SCARA5: variants seen among roughly 807,000 people sequenced by gnomAD.
SCARA5 encodes scavenger receptor class A member 5.
In SCARA5, 45 loss-of-function variants were observed where a neutral mutation model predicts 46.3. That is an observed-to-expected ratio of 0.97 (90% CI 0.76 to 1.24). SCARA5 has a LOEUF of 1.24. SCARA5 is among the 50% of genes most tolerant of loss of function. The pLI is 0.00. For synonymous variants in SCARA5, 333 were observed against 306.5 expected, an observed-to-expected ratio of 1.09 and a Z score of -0.90; for missense variants, 680 against 689.0, an observed-to-expected ratio of 0.99 and a Z score of 0.15.
At chr8:27,982,783 G>A (rs891941420) in intron 2 of SCARA5, among the ~76,000 whole-genome samples, 16 of 152,184 alleles carry the variant, frequency 1.1e-4, no homozygotes, top group Non-Finnish European at 1.6e-4. Flanking sequence ...TGGGCAAGAT[G>A]GCTGCTCAGG....
intron 2 of SCARA5, among the ~76,000 whole-genome samples, chr8:27,981,447 G>A (rs916544050): frequency 3.5e-4 from 53 of 152,212 alleles, no homozygotes; most frequent in African/African-American, 1.2e-3. Flanking sequence ...GACAGGAGCA[G>A]CCCTGGGTGA....
rs1808804889 is a variant in SCARA5, at chr8:27,992,533, TG to T, written c.-293del. On this transcript the variant is annotated 5_prime_UTR_variant, in exon 1 of 9. Coordinates refer to ENST00000354914, the MANE Select transcript of SCARA5 (RefSeq NM_173833.6). ...GGGTCTGGGCCTGGGGGACCCAGAATGGGGGGTGTGCGCCTGGGACTCCCTG... is the reference window on the plus strand; with the variant it reads ...GGGTCTGGGCCTGGGGGACCCAGAATGGGGGTGTGCGCCTGGGACTCCCTG... 1 of 152,754 alleles carries T rather than the reference TG, an allele frequency of 6.5e-6. No individual in the cohort carries two copies. Among genetic ancestry groups the T allele is most frequent in the Non-Finnish European group, 1.5e-5 (1 of 68,472 alleles). 9.5% of individuals were successfully genotyped at this position (152,754 alleles called of 1,614,324 possible).
chr8:27,979,590 G>T (rs1016885367), intron 2 of SCARA5, among the ~76,000 whole-genome samples: 1 of 149,844 alleles, frequency 6.7e-6, no homozygotes, highest in Non-Finnish European at 1.5e-5. Context: ...GTTGTACTCC[G>T]TTGCCCAGGC....
In SCARA5 at chr8:27,870,731, G is replaced by T. The variant is rs1199339255; in HGVS notation, c.*1203C>A. On this transcript the variant is annotated 3_prime_UTR_variant, in exon 9 of 9. Coordinates refer to ENST00000354914, the MANE Select transcript of SCARA5 (RefSeq NM_173833.6). ...GATTGCAGATTTATGGAGGCCCAAGGCCCCTTATTCCTACTCCCCACCCCC... is the reference window on the plus strand; with the variant it reads ...GATTGCAGATTTATGGAGGCCCAAGTCCCCTTATTCCTACTCCCCACCCCC... The T allele has an allele frequency of 6.6e-6, 1 of 152,150 alleles. No homozygotes were observed. Among genetic ancestry groups the T allele is most frequent in the East Asian group, 1.9e-4 (1 of 5,190 alleles). 9.4% of individuals were successfully genotyped at this position (152,150 alleles called of 1,614,324 possible).
At chr8:27,937,133 C>G (rs7357467) in intron 3 of SCARA5, among the ~76,000 whole-genome samples, 45 of 152,328 alleles carry the variant, frequency 3.0e-4, no homozygotes, top group African/African-American at 1.1e-3. Context: ...AACACAGAAC[C>G]TTGCACCTGG....
In SCARA5 at chr8:27,889,130, G is replaced by GATTGAGAA. The variant is rs557800168; in HGVS notation, c.1154-9365_1154-9364insTTCTCAAT. ...TTCTACAGGCCCCAAATCTCTCAAA[G>GATTGAGAA]CTTGAGCTTGTTCCCCAGTAAAGAG... On this transcript the variant is annotated intron_variant, in intron 7 of 8. Transcript: ENST00000354914. Among the ~76,000 whole-genome samples, 15 of 152,208 alleles carry GATTGAGAA rather than the reference G, an allele frequency of 9.9e-5. No homozygotes were observed. The East Asian group carries it at 2.9e-3, about 29-fold the overall frequency.
At chr8:27,885,633 C>T (rs1011533054) in intron 7 of SCARA5, among the ~76,000 whole-genome samples, 3 of 152,140 alleles carry the variant, frequency 2.0e-5, no homozygotes, top group Admixed American at 6.5e-5. Flanking sequence ...ATGGAGAATC[C>T]AACATCAGGG....
intron 2 of SCARA5, among the ~76,000 whole-genome samples, chr8:27,974,912 C>G (rs147662172): frequency 0.04 from 1,783 of 44,784 alleles, 38 homozygotes; most frequent in African/African-American, 0.097. Context: ...GGTCATCATC[C>G]TGAATCCTGG....
intron 7 of SCARA5, among the ~76,000 whole-genome samples, chr8:27,897,494 A>G (rs2726973): frequency 0.96 from 146,312 of 152,368 alleles, 70,546 homozygotes; most frequent in East Asian, 1. Flanking sequence ...ACTGGTTTTC[A>G]TAGATGATTC....
intron 2 of SCARA5, among the ~76,000 whole-genome samples, chr8:27,969,736 G>A (rs1808420116): frequency 1.3e-5 from 2 of 152,020 alleles, no homozygotes; most frequent in South Asian, 4.2e-4. Flanking sequence ...AGAGGGGGAG[G>A]CTGTGCATGG....
intron 1 of SCARA5, among the ~76,000 whole-genome samples, chr8:27,988,304 G>A (rs1009065906): frequency 6.6e-6 from 1 of 152,210 alleles, no homozygotes; most frequent in Non-Finnish European, 1.5e-5. Context: ...TTTAGGCCAG[G>A]GAGGGCTTCT....
At chr8:27,974,811 C>T (rs1469691629) in intron 2 of SCARA5, among the ~76,000 whole-genome samples, 1 of 151,640 alleles carries the variant, frequency 6.6e-6, no homozygotes, top group East Asian at 1.9e-4. Context: ...CTGAGTCCTG[C>T]CTGGAGTCAC....
chr8:27,896,328 T>C (rs891819919), intron 7 of SCARA5, among the ~76,000 whole-genome samples: 1 of 152,162 alleles, frequency 6.6e-6, no homozygotes, highest in Admixed American at 6.5e-5. Context: ...CATCCCCTCC[T>C]TGCCCTAGTT....
intron 7 of SCARA5, among the ~76,000 whole-genome samples, chr8:27,885,332 C>G (rs1806877678): frequency 6.6e-6 from 1 of 152,202 alleles, no homozygotes; most frequent in Admixed American, 6.5e-5. Flanking sequence ...TCTTTTAGAT[C>G]TCAGCTTAGA....
At position 27,966,663 on chromosome 8, in the gene SCARA5, C is replaced by G. The variant is rs183096106; in HGVS notation, c.113-121G>C. On this transcript the variant is annotated intron_variant, in intron 2 of 8. Coordinates refer to ENST00000354914, the MANE Select transcript of SCARA5 (RefSeq NM_173833.6). ...GATGTTCATGTTGAACTTCTCACAT[C>G]CCTTTTGCATGTCTAGAATGCAGCC... 1.8e-4 allele frequency: 198 copies of G among 1,096,400 alleles called. No individual in the cohort carries two copies. In the African/African-American group the frequency reaches 2.8e-3, roughly 16 times the overall value. The allele number at this position is 1,096,400 out of a possible 1,614,324, so 67.9% of individuals were successfully genotyped here.
At chr8:27,958,372 G>A (rs1025320364) in intron 3 of SCARA5, among the ~76,000 whole-genome samples, 6 of 152,306 alleles carry the variant, frequency 3.9e-5, no homozygotes, top group South Asian at 2.1e-4. Flanking sequence ...AGGGCAGCCC[G>A]ACAGAGCTGA....
At chr8:27,936,051 C>T (rs1204448959) in intron 3 of SCARA5, among the ~76,000 whole-genome samples, 1 of 152,130 alleles carries the variant, frequency 6.6e-6, no homozygotes, top group Admixed American at 6.5e-5. Context: ...CTATGCCCCG[C>T]CAGCCCCTGC....
intron 3 of SCARA5, among the ~76,000 whole-genome samples, chr8:27,936,140 C>T (rs770267258): frequency 3.9e-5 from 6 of 152,126 alleles, no homozygotes; most frequent in African/African-American, 4.8e-5. Context: ...ACCAGAGAGA[C>T]TTTCCTTCTC....
intron 4 of SCARA5, among the ~76,000 whole-genome samples, chr8:27,921,318 A>G (rs190244350): frequency 2.0e-5 from 3 of 152,370 alleles, no homozygotes; most frequent in Admixed American, 2.0e-4. Context: ...GTGGCCACTG[A>G]ATCTGCTCTC....
Sources: gnomAD v4.1 joint callset for allele counts (sites outside exome capture counted in the v4.1 genomes callset) on GRCh38, gnomAD v4.1.1 for gene constraint, MANE v1.5 for transcripts, NCBI Gene and HGNC (gene_info 2026-07-23, HGNC 2026-07-21) for gene names.